NPIPB6: variants seen among roughly 807,000 people sequenced by gnomAD.
NPIPB6 encodes the protein nuclear pore complex interacting protein family member B6, also known as nuclear pore complex-interacting protein family member B6.
A neutral mutation model predicts 20.0 loss-of-function variants in NPIPB6; 2 were observed. That is an observed-to-expected ratio of 0.10 (90% CI 0.04 to 0.31). The LOEUF (loss-of-function observed/expected upper bound fraction) is 0.31, where lower values mean the gene tolerates loss of function less well. NPIPB6 is among the 10% of genes least tolerant of loss of function. The pLI is 1.00. For missense variants in NPIPB6, 96 were observed against 293.7 expected (o/e 0.33, Z 4.92); for synonymous variants, 35 against 116.3 (o/e 0.30, Z 4.50).
intron 1 of NPIPB6, among the ~76,000 whole-genome samples, chr16:28,360,133 C>T (rs1267213050): frequency 7.8e-6 from 1 of 128,872 alleles, no homozygotes; most frequent in African/African-American, 2.7e-5. Context: ...AGAATACATG[C>T]ACGACACGGG....
intron 2 of NPIPB6, among the ~76,000 whole-genome samples, chr16:28,349,907 A>G (rs1342651595): frequency 9.6e-6 from 1 of 104,448 alleles, no homozygotes; most frequent in South Asian, 2.7e-4. Context: ...AAAAAAAAAA[A>G]AAAAAAAGAG....
rs2045139411 is a variant in NPIPB6 at position 28,348,384 on chromosome 16, A to C, written c.599+450T>G. On this transcript the variant is annotated intron_variant, in intron 4 of 6. Coordinates refer to ENST00000532254, the Ensembl canonical transcript of NPIPB6. ...TACCTGAGGTCAGAAGTTCGAGACC[A>C]GCCTGGACAACATGGTGAAACCCCA... 1.9e-5 allele frequency among the ~76,000 whole-genome samples: 2 copies of C among 103,390 alleles called. 1 individual carries two copies. The highest frequency in any genetic ancestry group is 4.3e-5 in the Non-Finnish European group (2 of 46,884). 67.8% of individuals were successfully genotyped at this position (103,390 alleles called of 152,430 possible). A position where few individuals can be genotyped will look rare whatever the true frequency, so the allele number is the denominator to read the frequency against.
At chr16:28,362,821 A>G (rs2045474851) in exon 1 of NPIPB6, 1 of 1,566,806 alleles carries the variant, frequency 6.4e-7, no homozygotes, top group African/African-American at 1.4e-5. Flanking sequence ...GAGCTTCACC[A>G]TTTGCAGAAT....
chr16:28,362,817 C>T (rs1596587853), exon 1 of NPIPB6: 1 of 1,572,064 alleles, frequency 6.4e-7, no homozygotes, highest in South Asian at 1.1e-5. Flanking sequence ...TAGAGAGCTT[C>T]ACCATTTGCA....
chr16:28,348,109 C>CAAAAA (rs57988390), intron 4 of NPIPB6, among the ~76,000 whole-genome samples: 35 of 62,944 alleles, frequency 5.6e-4, no homozygotes, highest in African/African-American at 2.0e-3. Flanking sequence ...GACTCTGTCT[C>CAAAAA]AAAAAAAAAA....
At chr16:28,347,833 C>T (rs62031448) in intron 4 of NPIPB6, among the ~76,000 whole-genome samples, 13,508 of 90,924 alleles carry the variant, frequency 0.15, 358 homozygotes, top group African/African-American at 0.26. Flanking sequence ...AAAATTGGGC[C>T]GGGCACGGTG....
exon 7 of NPIPB6, chr16:28,342,874 T>C: frequency 6.4e-7 from 1 of 1,566,018 alleles, no homozygotes; most frequent in Non-Finnish European, 8.7e-7. Context: ...TATCATCCAC[T>C]GAGGGTGGAA....
intron 1 of NPIPB6, among the ~76,000 whole-genome samples, chr16:28,359,156 TG>T (rs1567233610): frequency 1.6e-5 from 2 of 123,284 alleles, no homozygotes; most frequent in African/African-American, 6.7e-5. Context: ...ACCAAGTAAG[TG>T]GGGGTTGAAG....
chr16:28,360,519 C>T (rs539327248), intron 1 of NPIPB6, among the ~76,000 whole-genome samples: 57 of 131,998 alleles, frequency 4.3e-4, no homozygotes, highest in Non-Finnish European at 8.4e-4. Context: ...GAGGATAAAG[C>T]AAATCTGCGG....
At chr16:28,346,243 C>T in intron 4 of NPIPB6, 2 of 808,424 alleles carry the variant, frequency 2.5e-6, no homozygotes, top group Non-Finnish European at 2.9e-6. Flanking sequence ...GTGTGAAAAA[C>T]CAGACCTCAC....
chr16:28,350,055 A>G (rs1349106330), intron 2 of NPIPB6, among the ~76,000 whole-genome samples: 1 of 82,132 alleles, frequency 1.2e-5, no homozygotes, highest in African/African-American at 4.0e-5. Context: ...AAATTAGCTG[A>G]GCATGGTGAT....
chr16:28,343,100 C>A (rs1308039037), exon 7 of NPIPB6: 1 of 1,452,552 alleles, frequency 6.9e-7, no homozygotes, highest in Non-Finnish European at 9.4e-7. Flanking sequence ...TGGCTGGCGG[C>A]CCATCCTGTT....
At position 28,349,946 on chromosome 16, in the gene NPIPB6, C is replaced by G. The variant is rs1248740654; in HGVS notation, c.304-705G>C. Reference sequence around the variant, plus strand: ...AGGTGCGGTAGCTCACGCCTGTAATCCCAGCACTTTGGGAGGCTGAGGCGG... The same window carrying G: ...AGGTGCGGTAGCTCACGCCTGTAATGCCAGCACTTTGGGAGGCTGAGGCGG... On this transcript the variant is annotated intron_variant, in intron 2 of 6. Transcript: ENST00000532254. Among the ~76,000 whole-genome samples the G allele has an allele frequency of 2.9e-5, 3 of 104,850 alleles. 1 individual carries two copies. Among genetic ancestry groups the G allele is most frequent in the African/African-American group, 6.3e-5 (2 of 31,600 alleles). The allele number at this position is 104,850 out of a possible 152,430, so 68.8% of individuals were successfully genotyped here.
At chr16:28,361,723 T>C (rs1596586233) in intron 1 of NPIPB6, among the ~76,000 whole-genome samples, 1 of 135,836 alleles carries the variant, frequency 7.4e-6, no homozygotes, top group Non-Finnish European at 1.6e-5. Flanking sequence ...TCTGTCTCTC[T>C]CTCTATATGT....
intron 2 of NPIPB6, among the ~76,000 whole-genome samples, chr16:28,349,499 C>T (rs1463919766): frequency 9.4e-6 from 1 of 106,144 alleles, no homozygotes; most frequent in Non-Finnish European, 2.1e-5. Context: ...TGCAGTGAGC[C>T]GAGATCACAC....
chr16:28,361,768 G>C (rs60637291), intron 1 of NPIPB6, among the ~76,000 whole-genome samples: 1 of 65,802 alleles, frequency 1.5e-5, no homozygotes, highest in Admixed American at 1.7e-4. Flanking sequence ...GTGTGTGTGT[G>C]TATGTGTGTG....
chr16:28,351,618 C>T (rs1283776962), intron 2 of NPIPB6, among the ~76,000 whole-genome samples: 2 of 88,680 alleles, frequency 2.3e-5, no homozygotes, highest in African/African-American at 4.0e-5. Flanking sequence ...ATACTCCAGC[C>T]TGGGCAACAG....
chr16:28,348,337 T>C (rs1245081634), intron 4 of NPIPB6, among the ~76,000 whole-genome samples: 1 of 106,088 alleles, frequency 9.4e-6, no homozygotes. Context: ...CCCAGCACTT[T>C]GGGAGGCTGA....
chr16:28,359,525 AC>A (rs1263363499), intron 1 of NPIPB6, among the ~76,000 whole-genome samples: 8 of 139,572 alleles, frequency 5.7e-5, no homozygotes, highest in Admixed American at 5.1e-4. Flanking sequence ...TCTGTTGAGC[AC>A]CCGTGTACCT....
Sources: allele counts gnomAD v4.1 joint callset (sites outside exome capture counted in the v4.1 genomes callset), GRCh38; gene constraint gnomAD v4.1.1; transcripts MANE v1.5; gene names NCBI Gene and HGNC (gene_info 2026-07-23, HGNC 2026-07-21).